SRGAP3: variants seen among roughly 807,000 people sequenced by gnomAD.
SRGAP3 encodes the protein SLIT-ROBO Rho GTPase activating protein 3, also known as SLIT-ROBO Rho GTPase-activating protein 3.
Under a neutral mutation model 121.1 loss-of-function variants are expected in SRGAP3, and 39 were observed. The ratio of observed to expected loss-of-function variants is 0.32; its 90% CI spans 0.25 to 0.42. SRGAP3 has a LOEUF of 0.42. Among genes scored for constraint, SRGAP3 ranks in the 10% least tolerant of loss-of-function variants. SRGAP3 has a pLI of 1.00. For synonymous variants in SRGAP3, 601 were observed against 570.0 expected (o/e 1.05, Z -0.77); for missense variants, 1,213 against 1,470.6 (o/e 0.82, Z 2.86).
chr3:9,093,799 C>T (rs1406238127), intron 3 of SRGAP3, among the ~76,000 whole-genome samples: 5 of 152,178 alleles, frequency 3.3e-5, no homozygotes, highest in Non-Finnish European at 7.3e-5. Context: ...CATTTCACTC[C>T]CCATTCAAGA....
At position 9,081,191 on chromosome 3, in the gene SRGAP3, T is replaced by G. The variant is rs35054183; in HGVS notation, c.424-1104A>C. ...TACAACAGATGCCCTAACCTTAGTT[T>G]GACTCCAAATTTCAGCTCAGCCCTC... On this transcript the variant is annotated intron_variant, in intron 3 of 21. Transcript: ENST00000383836. The G allele has an allele frequency of 4.0e-3, 1,814 of 455,690 alleles. 6 individuals are homozygous for G. The highest frequency in any genetic ancestry group is 6.4e-3 in the Non-Finnish European group (1,442 of 226,538). 28.2% of individuals were successfully genotyped at this position (455,690 alleles called of 1,614,324 possible). A position where few individuals can be genotyped will look rare whatever the true frequency, so the allele number is the denominator to read the frequency against.
In SRGAP3 at chr3:9,239,612, G is replaced by A. The variant is rs1200237531; in HGVS notation, c.67+9273C>T. ...CTGGAACACTCTGCTGCAGCAGTGT[G>A]CACCCCATTACCATCACGCACAGAT... On this transcript the variant is annotated intron_variant, in intron 1 of 21. Transcript: ENST00000383836. The surrounding 1 kb of genome is among the most constrained non-coding windows in gnomAD (Gnocchi z 4.0). Among the ~76,000 whole-genome samples, 1 of 152,132 alleles carries A rather than the reference G, an allele frequency of 6.6e-6. No individual in the cohort carries two copies. Among genetic ancestry groups the A allele is most frequent in the Non-Finnish European group, 1.5e-5 (1 of 68,032 alleles).
intron 3 of SRGAP3, among the ~76,000 whole-genome samples, chr3:9,255,209 T>C (rs1320190091): frequency 6.6e-6 from 1 of 152,164 alleles, no homozygotes; most frequent in African/African-American, 2.4e-5. Flanking sequence ...TCTATGAGAA[T>C]AATGCCAACC....
At chr3:9,334,489 G>A (rs557103033) in intron 1 of SRGAP3, among the ~76,000 whole-genome samples, 1 of 152,264 alleles carries the variant, frequency 6.6e-6, no homozygotes, top group Admixed American at 6.5e-5. Flanking sequence ...ATGGAGGGAG[G>A]GAAAGAAGGA....
At chr3:9,194,362 C>A (rs1951857632) in intron 1 of SRGAP3, 2 of 151,628 alleles carry the variant, frequency 1.3e-5, no homozygotes, top group African/African-American at 2.4e-5. Flanking sequence ...AAAAAAAAAA[C>A]CTATGTCATA....
intron 1 of SRGAP3, among the ~76,000 whole-genome samples, chr3:9,172,609 G>C (rs1951025415): frequency 6.6e-6 from 1 of 152,188 alleles, no homozygotes; most frequent in South Asian, 2.1e-4. Context: ...TCTCTCATCT[G>C]TTTCCAGCCG....
At chr3:9,256,955 CACT>C (rs1394155725) in intron 3 of SRGAP3, 1 of 397,644 alleles carries the variant, frequency 2.5e-6, no homozygotes, top group Non-Finnish European at 4.4e-6. Flanking sequence ...CTGGCTCCAC[CACT>C]GATAAGCTGT....
intron 2 of SRGAP3, among the ~76,000 whole-genome samples, chr3:9,121,231 T>C (rs13078449): frequency 0.46 from 69,315 of 151,980 alleles, 16,006 homozygotes; most frequent in Middle Eastern, 0.55. Flanking sequence ...CCTGACCCAC[T>C]GCAATGGGAA....
chr3:9,195,894 T>C (rs1207149023), intron 1 of SRGAP3, among the ~76,000 whole-genome samples: 1 of 152,046 alleles, frequency 6.6e-6, no homozygotes, highest in Admixed American at 6.5e-5. Context: ...AGTTTGAGGC[T>C]ACAGTGAGCC....
chr3:9,219,841 A>C (rs9814669), intron 1 of SRGAP3, among the ~76,000 whole-genome samples: 1 of 152,192 alleles, frequency 6.6e-6, no homozygotes, highest in African/African-American at 2.4e-5. Flanking sequence ...ACAGAGTACA[A>C]AAAAATAAAG....
chr3:9,179,715 G>A (rs730901), intron 1 of SRGAP3, among the ~76,000 whole-genome samples: 5,653 of 152,316 alleles, frequency 0.037, 155 homozygotes, highest in East Asian at 0.1. Flanking sequence ...AATCAACCGA[G>A]GGCATAATAA....
At chr3:9,300,066 T>A (rs887984379) in intron 3 of SRGAP3, among the ~76,000 whole-genome samples, 2 of 149,574 alleles carry the variant, frequency 1.3e-5, no homozygotes, top group Non-Finnish European at 3.0e-5. Context: ...AGGATTGCCA[T>A]GAAAATTAAG....
chr3:9,311,727 C>T (rs1003042195), intron 3 of SRGAP3, among the ~76,000 whole-genome samples: 22 of 152,120 alleles, frequency 1.4e-4, no homozygotes, highest in Admixed American at 4.6e-4. Context: ...CCACAGGCTG[C>T]GTTTGGCCTG....
chr3:9,194,936 C>T (rs1951872519), intron 1 of SRGAP3, among the ~76,000 whole-genome samples: 3 of 152,204 alleles, frequency 2.0e-5, no homozygotes, highest in Admixed American at 6.5e-5. Flanking sequence ...CCACCCCCAC[C>T]GTCCCCACAC....
chr3:9,206,553 T>C (rs536447974), intron 1 of SRGAP3, among the ~76,000 whole-genome samples: 45 of 152,296 alleles, frequency 3.0e-4, no homozygotes, highest in African/African-American at 1.1e-3. Flanking sequence ...TTTCTCTCCC[T>C]TGGCTGATGG....
At chr3:9,079,767 C>T (rs975280762) in intron 4 of SRGAP3, among the ~76,000 whole-genome samples, 1 of 152,202 alleles carries the variant, frequency 6.6e-6, no homozygotes. Flanking sequence ...AGGTAACACG[C>T]CCCACAGCGG....
chr3:9,052,905 G>A (rs1945651530), intron 9 of SRGAP3, 122 bp downstream of exon 9: 1 of 1,167,854 alleles, frequency 8.6e-7, no homozygotes, highest in East Asian at 2.4e-5. Flanking sequence ...GCATGGTGAT[G>A]GAGTCTTAGA....
At chr3:9,061,949 G>T (rs1946194263) in intron 5 of SRGAP3, among the ~76,000 whole-genome samples, 1 of 152,172 alleles carries the variant, frequency 6.6e-6, no homozygotes, top group African/African-American at 2.4e-5. Flanking sequence ...GTAAATAAAT[G>T]GTTTTTCTCC....
In SRGAP3 at chr3:9,146,221, T is replaced by C. The variant is rs190721691; in HGVS notation, c.68-21304A>G. ...ACGTGTTGACTGACAAATCCTGGTT[T>C]GCTAACTTGTACAAGAACCCCATGC... is the stretch of plus-strand genomic sequence containing the variant. On this transcript the variant is annotated intron_variant, in intron 1 of 21. Transcript: ENST00000383836. Among the ~76,000 whole-genome samples, 511 of 152,318 alleles carry C rather than the reference T, an allele frequency of 3.4e-3. 1 individual carries two copies. Among genetic ancestry groups the C allele is most frequent in the Non-Finnish European group, 5.6e-3 (378 of 68,024 alleles).
Sources: gnomAD v4.1 joint callset for allele counts (sites outside exome capture counted in the v4.1 genomes callset) on GRCh38, gnomAD v4.1.1 for gene constraint, Gnocchi (gnomAD v3.1) non-coding constraint, MANE v1.5 for transcripts, NCBI Gene and HGNC (gene_info 2026-07-23, HGNC 2026-07-21) for gene names.